The following RNF19B variants were observed in gnomAD, a reference collection of about 807,000 sequenced individuals.
The protein encoded by RNF19B is E3 ubiquitin-protein ligase RNF19B.
Under a neutral mutation model 65.5 loss-of-function variants are expected in RNF19B, and 23 were observed. The observed-to-expected ratio is 0.35, with a 90% CI of 0.25 to 0.50. The LOEUF (loss-of-function observed/expected upper bound fraction) is 0.50, where lower values mean the gene tolerates loss of function less well. Ranked by LOEUF, RNF19B falls within the 20% of genes least tolerant of loss-of-function variation. The pLI is 0.98. For missense variants in RNF19B, 794 were observed against 980.0 expected (o/e 0.81, Z 2.53); for synonymous variants, 372 against 379.6 (o/e 0.98, Z 0.23).
Position 32,964,450 on chromosome 1 carries a change from G to A in RNF19B, c.236C>T (p.Ala79Val). 1 of 1,009,546 alleles carries A rather than the reference G, an allele frequency of 9.9e-7. No individual in the cohort carries two copies. Among genetic ancestry groups the A allele is most frequent in the Admixed American group, 6.0e-5 (1 of 16,746 alleles). 62.5% of individuals were successfully genotyped at this position (1,009,546 alleles called of 1,614,324 possible). ...CTCGGCGGCCGGCTCGGCGGGCAGC[G>A]CCTCGGGCGGCGGGCCCTGGGCCGC... ...PAAAQGPPPE[A>V]LPAEPAAEAE... Residue 79 changes from alanine to valine, a missense_variant, in exon 1 of 9, where the codon GCG becomes GTG. This residue lies in a region of RNF19B where 374 missense variants were observed against 423.8 expected (regional missense o/e 0.88). Coordinates refer to ENST00000235150, the MANE Select transcript of RNF19B (RefSeq NM_001300826.2). This position sits in a 1 kb window ranked among gnomAD's most constrained non-coding sequence, Gnocchi z 6.5.
intron 7 of RNF19B, 152 bp from the exon 8 acceptor site, chr1:32,938,680 T>C (rs941845709): frequency 1.7e-5 from 13 of 747,602 alleles, no homozygotes; most frequent in Non-Finnish European, 2.6e-5. Context: ...TAGATGCCCA[T>C]ACATTTTTTC....
Position 32,936,733 on chromosome 1 carries a change from G to GAAA in RNF19B, c.*70_*72dup, listed in dbSNP as rs36040674. 3.2e-4 allele frequency: 367 copies of GAAA among 1,159,596 alleles called. No homozygotes were observed. Among genetic ancestry groups the GAAA allele is most frequent in the African/African-American group, 7.1e-4 (43 of 60,704 alleles). 71.8% of individuals were successfully genotyped at this position (1,159,596 alleles called of 1,614,324 possible). A position where few individuals can be genotyped will look rare whatever the true frequency, so the allele number is the denominator to read the frequency against. ...AAAATACATAAATCTCTACCCCTTG[G>GAAA]AAAAAAAAAAAAAAAAATTCCAAAA... On this transcript the variant is annotated 3_prime_UTR_variant, in exon 9 of 9. Transcript: ENST00000235150.
At chr1:32,963,929 C>T (rs1642834565) in intron 1 of RNF19B, 122 bp downstream of exon 1, 2 of 1,343,600 alleles carry the variant, frequency 1.5e-6, no homozygotes, top group African/African-American at 1.6e-5. Context: ...TGGTTACCAC[C>T]CCGCCGAAGC....
chr1:32,960,873 C>G (rs532740523), intron 1 of RNF19B, among the ~76,000 whole-genome samples: 205 of 152,086 alleles, frequency 1.3e-3, no homozygotes, highest in African/African-American at 4.6e-3. Context: ...ATTAGCTGGG[C>G]TTGGTGGCAT....
chr1:32,938,433 GC>G lies in RNF19B; in HGVS notation c.1705del (p.Ala569ProfsTer4). ...GTTGTAGGAACTGATTATGGAACCGGCCATAGCACGAGTGCTTGCGTTGTCA... is the reference window on the plus strand; with the variant it reads ...GTTGTAGGAACTGATTATGGAACCGGCATAGCACGAGTGCTTGCGTTGTCA... The part of the protein sequence containing the change: ...ISDNASTRAM[A>X]GSIISSYNPQ... On this transcript the variant is annotated frameshift_variant, in exon 8 of 9. Transcript: ENST00000235150. LOFTEE classifies it high-confidence loss of function. The G allele has an allele frequency of 1.9e-6, 3 of 1,614,164 alleles. No individual in the cohort carries two copies. The highest frequency in any genetic ancestry group is 2.5e-6 in the Non-Finnish European group (3 of 1,180,030).
chr1:32,939,949 CCT>C (rs1326024708), intron 7 of RNF19B, among the ~76,000 whole-genome samples: 2 of 152,140 alleles, frequency 1.3e-5, no homozygotes, highest in Non-Finnish European at 2.9e-5. Context: ...GGCGGGATCC[CCT>C]GATAAGAGAC....
In RNF19B at chr1:32,937,088, G is replaced by A. The variant is rs1044078794; in HGVS notation, c.1914C>T (p.His638=). The A allele has an allele frequency of 3.7e-6, 6 of 1,614,042 alleles. No individual in the cohort carries two copies. In the African/African-American group the frequency reaches 4.0e-5, roughly 11 times the overall value. Residue 638 remains histidine (H), a synonymous_variant, in exon 9 of 9, where the codon CAC becomes CAT. Transcript: ENST00000235150. ...GGSEEDPPCR[H]QSCEQKDCLA... is the part of the protein sequence containing the mutation. ...GGCAGTCTTTCTGTTCACAGCTTTG[G>A]TGTCTGCAGGGGGGATCCTCTTCAC...
At chr1:32,951,799 A>T (rs1243852929) in intron 1 of RNF19B, among the ~76,000 whole-genome samples, 1 of 151,252 alleles carries the variant, frequency 6.6e-6, no homozygotes, top group Non-Finnish European at 1.5e-5. Context: ...TCTGACACAT[A>T]TTCTTTTTTT....
intron 6 of RNF19B, among the ~76,000 whole-genome samples, chr1:32,943,702 TA>T (rs1642294716): frequency 6.6e-6 from 1 of 152,166 alleles, no homozygotes; most frequent in African/African-American, 2.4e-5. Context: ...GCAAGTGAGA[TA>T]ATTGTGTAAA....
In RNF19B at chr1:32,936,977, A is replaced by G. The variant is rs921299559; in HGVS notation, c.2025T>C (p.Asp675=). ...DLESSDAQSD[D]VPDITSDECG... ...ACTCATCTGAGGTGATGTCTGGCAC[A>G]TCGTCTGACTGTGCATCAGAACTCT... The change falls in exon 9 of 9, where the codon GAT becomes GAC. Residue 675 remains aspartate, a synonymous_variant. Transcript: ENST00000235150. 6 of 1,614,014 alleles carry G rather than the reference A, an allele frequency of 3.7e-6. No homozygotes were observed. In the African/African-American group the frequency reaches 5.3e-5, roughly 14 times the overall value.
intron 7 of RNF19B, 28 bp from the exon 8 acceptor site, chr1:32,938,556 A>G: frequency 6.2e-7 from 1 of 1,610,168 alleles, no homozygotes; most frequent in Non-Finnish European, 8.5e-7. Context: ...GTTCAAGTTA[A>G]TATGAGACCT....
chr1:32,935,706 C>T (rs866895886), downstream of RNF19B, among the ~76,000 whole-genome samples: 12 of 152,214 alleles, frequency 7.9e-5, no homozygotes, highest in African/African-American at 2.6e-4. Flanking sequence ...TTTCTTCCTC[C>T]AATAACAGAA....
intron 8 of RNF19B, chr1:32,938,186 A>G (rs950688758): frequency 7.6e-5 from 35 of 461,244 alleles, no homozygotes; most frequent in African/African-American, 5.9e-4. Context: ...AGGAAGAAAG[A>G]AAAGAAATCT....
At chr1:32,955,152 C>G (rs1051360071) in intron 1 of RNF19B, among the ~76,000 whole-genome samples, 3 of 152,096 alleles carry the variant, frequency 2.0e-5, no homozygotes, top group Non-Finnish European at 2.9e-5. Flanking sequence ...ATATCATCCA[C>G]TTTTTAATCT....
At chr1:32,955,984 C>T (rs1202480219) in intron 1 of RNF19B, among the ~76,000 whole-genome samples, 1 of 152,150 alleles carries the variant, frequency 6.6e-6, no homozygotes. Context: ...AACCCCAGAA[C>T]TTTGTCAGGC....
chr1:32,938,266 T>C, intron 8 of RNF19B, 131 bp downstream of exon 8: 2 of 922,222 alleles, frequency 2.2e-6, no homozygotes, highest in Non-Finnish European at 3.4e-6. Flanking sequence ...CTTGCTCAAA[T>C]GAATTCACAG....
chr1:32,955,309 A>C (rs1642608661), intron 1 of RNF19B, among the ~76,000 whole-genome samples: 1 of 152,016 alleles, frequency 6.6e-6, no homozygotes, highest in Non-Finnish European at 1.5e-5. Context: ...TTTTCAATGT[A>C]TCCATGTATC....
intron 3 of RNF19B, 143 bp downstream of exon 3, chr1:32,948,079 T>A: frequency 1.4e-6 from 1 of 731,838 alleles, no homozygotes; most frequent in South Asian, 2.1e-5. Flanking sequence ...GGTGAAAACA[T>A]GATTAGAGGA....
At chr1:32,946,609 A>G in intron 3 of RNF19B, 45 bp from the exon 4 acceptor site, 1 of 1,560,270 alleles carries the variant, frequency 6.4e-7, no homozygotes, top group East Asian at 2.3e-5. Flanking sequence ...TTACAAATAC[A>G]GCTAGTATTA....
Sources: gnomAD v4.1 joint callset for allele counts (sites outside exome capture counted in the v4.1 genomes callset) on GRCh38, gnomAD v4.1.1 for gene constraint, gnomAD v4.1.1 regional missense constraint, Gnocchi (gnomAD v3.1) non-coding constraint, MANE v1.5 for transcripts, NCBI Gene and HGNC (gene_info 2026-07-23, HGNC 2026-07-21) for gene names.